The following FAM107B variants were observed in gnomAD, a reference collection of about 807,000 sequenced individuals.
The protein encoded by FAM107B is protein FAM107B.
In FAM107B, 21 loss-of-function variants were observed where a neutral mutation model predicts 31.5. That is an observed-to-expected ratio of 0.67 (90% CI 0.47 to 0.96). The LOEUF is 0.96. Ranked by LOEUF, FAM107B falls within the 40% of genes least tolerant of loss-of-function variation. The pLI, the probability that FAM107B is intolerant of heterozygous loss-of-function variation, is 0.00. For missense variants in FAM107B, 452 were observed against 377.1 expected (o/e 1.20, Z -1.64); for synonymous variants, 157 against 141.5 (o/e 1.11, Z -0.78).
chr10:14,770,474 G>A (rs750707180), intron 1 of FAM107B, among the ~76,000 whole-genome samples: 26 of 152,026 alleles, frequency 1.7e-4, no homozygotes, highest in Non-Finnish European at 3.4e-4. Flanking sequence ...AGTGAGCCGA[G>A]ATCGCACCAC....
At chr10:14,719,505 C>A (rs1262725170) in intron 1 of FAM107B, among the ~76,000 whole-genome samples, 1 of 152,118 alleles carries the variant, frequency 6.6e-6, no homozygotes, top group Non-Finnish European at 1.5e-5. Context: ...AATGGGCTAG[C>A]CATTTGTTCC....
intron 2 of FAM107B, among the ~76,000 whole-genome samples, chr10:14,626,728 C>A (rs1479577369): frequency 1.3e-5 from 2 of 152,116 alleles, no homozygotes; most frequent in Admixed American, 1.3e-4. Flanking sequence ...TGGTCTCGAT[C>A]TCCTGACCTC....
At chr10:14,522,061 T>C in intron 3 of FAM107B, 42 bp from the exon 4 acceptor site, 2 of 1,575,476 alleles carry the variant, frequency 1.3e-6, no homozygotes, top group South Asian at 1.2e-5. Context: ...GTTAATCTAA[T>C]GGCTACATTT....
Position 14,767,351 on chromosome 10 carries a change from C to T in FAM107B, c.411+6902G>A, listed in dbSNP as rs1044994908. On this transcript the variant is annotated intron_variant, in intron 1 of 4. Coordinates refer to ENST00000181796, the MANE Select transcript of FAM107B (RefSeq NM_031453.4). Reference sequence around the variant, plus strand: ...ATATGATTCACCCACGTCAGCCTCCCGAAGTCCTGGGATTACAGGCATGAG... The same window carrying T: ...ATATGATTCACCCACGTCAGCCTCCTGAAGTCCTGGGATTACAGGCATGAG... Among the ~76,000 whole-genome samples the T allele has an allele frequency of 2.0e-5, 3 of 151,648 alleles. No homozygotes were observed. In the South Asian group the frequency reaches 6.2e-4, roughly 32 times the overall value.
At chr10:14,567,080 G>A (rs974854644) in intron 2 of FAM107B, among the ~76,000 whole-genome samples, 1 of 152,220 alleles carries the variant, frequency 6.6e-6, no homozygotes, top group African/African-American at 2.4e-5. Context: ...GTGAACCCAG[G>A]AGGCGGAGCT....
chr10:14,691,071 C>T (rs144713632), intron 1 of FAM107B, among the ~76,000 whole-genome samples: 4 of 151,308 alleles, frequency 2.6e-5, no homozygotes, highest in East Asian at 4.0e-4. Flanking sequence ...GGCTAGCTTC[C>T]GTCACCCAGG....
At chr10:14,691,819 G>T (rs879275785) in intron 1 of FAM107B, among the ~76,000 whole-genome samples, 3 of 149,784 alleles carry the variant, frequency 2.0e-5, no homozygotes, top group Non-Finnish European at 4.4e-5. Flanking sequence ...GCTTGAACCT[G>T]GGAAGCGGAG....
At chr10:14,735,709 G>A (rs1364386101) in intron 1 of FAM107B, among the ~76,000 whole-genome samples, 1 of 152,122 alleles carries the variant, frequency 6.6e-6, no homozygotes, top group East Asian at 1.9e-4. Flanking sequence ...AGTAGCTGGA[G>A]TTCTGCCAGT....
At chr10:14,637,192 T>C (rs577302822) in intron 2 of FAM107B, among the ~76,000 whole-genome samples, 4 of 152,156 alleles carry the variant, frequency 2.6e-5, no homozygotes, top group Non-Finnish European at 5.9e-5. Context: ...GTCTTATTTC[T>C]AACACCATGC....
intron 1 of FAM107B, among the ~76,000 whole-genome samples, chr10:14,695,187 G>A (rs116207995): frequency 0.031 from 4,691 of 152,160 alleles, 229 homozygotes; most frequent in African/African-American, 0.11. Context: ...TACATTGTAC[G>A]ATAAGGGTAC....
At chr10:14,712,626 A>AAAAAAAAAAG (rs1554851690) in intron 1 of FAM107B, among the ~76,000 whole-genome samples, 80 of 146,906 alleles carry the variant, frequency 5.4e-4, no homozygotes, top group South Asian at 8.6e-4. Flanking sequence ...AACAAAAAAA[A>AAAAAAAAAAG]AAGAAGAAGA....
chr10:14,771,999 C>T (rs568534122), intron 1 of FAM107B, among the ~76,000 whole-genome samples: 1 of 152,252 alleles, frequency 6.6e-6, no homozygotes, highest in South Asian at 2.1e-4. Flanking sequence ...CTCTTTGTGG[C>T]CTTGGGCAAA....
chr10:14,602,781 T>TA (rs754053322), intron 2 of FAM107B: 3 of 152,226 alleles, frequency 2.0e-5, no homozygotes, highest in Non-Finnish European at 4.4e-5. Context: ...TTCTTCCAAA[T>TA]AAAGTGGAAA....
intron 1 of FAM107B, among the ~76,000 whole-genome samples, chr10:14,768,010 G>A (rs1343033299): frequency 6.6e-6 from 1 of 152,016 alleles, no homozygotes; most frequent in Non-Finnish European, 1.5e-5. Flanking sequence ...CAGTAACAAT[G>A]AACACTCTGA....
chr10:14,671,157 G>A (rs941541834), intron 1 of FAM107B, among the ~76,000 whole-genome samples: 3 of 152,114 alleles, frequency 2.0e-5, no homozygotes, highest in African/African-American at 7.2e-5. Context: ...CACTCCAGGG[G>A]TGCAACATAT....
chr10:14,756,170 G>A (rs556934905), intron 1 of FAM107B, among the ~76,000 whole-genome samples: 283 of 152,222 alleles, frequency 1.9e-3, no homozygotes, highest in Admixed American at 5.5e-3. Context: ...ATGGTATAGT[G>A]CCTTCATATA....
intron 2 of FAM107B, among the ~76,000 whole-genome samples, chr10:14,587,562 T>C (rs1851885253): frequency 6.6e-6 from 1 of 152,222 alleles, no homozygotes; most frequent in Admixed American, 6.5e-5. Flanking sequence ...TAAGAATTTG[T>C]CTTACACAAA....
In FAM107B at chr10:14,676,410, C is replaced by T. The variant is rs553436965; in HGVS notation, c.412-8719G>A. ...ATTACATATTCTTCCAGAGCAAAAACTGTGCTTCCCTTTTCAAGCTTCATT... is the reference window on the plus strand; with the variant it reads ...ATTACATATTCTTCCAGAGCAAAAATTGTGCTTCCCTTTTCAAGCTTCATT... On this transcript the variant is annotated intron_variant, in intron 1 of 4. Coordinates refer to ENST00000181796, the MANE Select transcript of FAM107B (RefSeq NM_031453.4). Among the ~76,000 whole-genome samples, 6 of 152,304 alleles carry T rather than the reference C, an allele frequency of 3.9e-5. No homozygotes were observed. In the South Asian group the frequency reaches 8.3e-4, roughly 21 times the overall value.
At chr10:14,625,504 G>C (rs2131408397) in intron 2 of FAM107B, among the ~76,000 whole-genome samples, 1 of 152,206 alleles carries the variant, frequency 6.6e-6, no homozygotes, top group East Asian at 1.9e-4. Context: ...CAACTGTCCT[G>C]GCTGCTCTGC....
Sources: allele counts gnomAD v4.1 joint callset (sites outside exome capture counted in the v4.1 genomes callset), GRCh38; gene constraint gnomAD v4.1.1; transcripts MANE v1.5; gene names NCBI Gene and HGNC (gene_info 2026-07-23, HGNC 2026-07-21).